DGKB: variants seen among roughly 807,000 people sequenced by gnomAD.
DGKB encodes diacylglycerol kinase beta.
In DGKB, 67 loss-of-function variants were observed where a neutral mutation model predicts 114.3. That is an observed-to-expected ratio of 0.59 (90% confidence interval 0.48 to 0.72). DGKB has a LOEUF of 0.72. DGKB is among the 30% of genes least tolerant of loss of function. The probability of loss-of-function intolerance (pLI) is 0.00; values close to 1 mark genes in which losing one functional copy is unlikely to be tolerated. For synonymous variants in DGKB, 398 were observed against 323.1 expected (o/e 1.23, Z -2.49); for missense variants, 907 against 975.2 (o/e 0.93, Z 0.93).
chr7:14,352,743 TG>T (rs757459224), intron 21 of DGKB, among the ~76,000 whole-genome samples: 27 of 151,996 alleles, frequency 1.8e-4, no homozygotes, highest in Non-Finnish European at 3.5e-4. Context: ...ACCAACATGG[TG>T]AAACCCTGTC....
At chr7:14,157,586 A>C (rs1471144482) in intron 25 of DGKB, among the ~76,000 whole-genome samples, 4 of 152,180 alleles carry the variant, frequency 2.6e-5, no homozygotes, top group Non-Finnish European at 5.9e-5. Flanking sequence ...TTATTCCTGA[A>C]AGTGATGGAC....
At chr7:14,149,271 A>T in intron 25 of DGKB, 33 bp from the exon 26 acceptor site, 1 of 1,491,596 alleles carries the variant, frequency 6.7e-7, no homozygotes, top group South Asian at 1.1e-5. Context: ...AGAGAGAAAG[A>T]ATAGAGTAAT....
intron 21 of DGKB, among the ~76,000 whole-genome samples, chr7:14,349,312 GA>G (rs1282744551): frequency 6.6e-6 from 1 of 152,032 alleles, no homozygotes; most frequent in African/African-American, 2.4e-5. Flanking sequence ...AGCCTAAAAA[GA>G]GATATGGGTT....
intron 6 of DGKB, among the ~76,000 whole-genome samples, chr7:14,705,862 T>A (rs954806715): frequency 1.3e-5 from 2 of 151,904 alleles, no homozygotes; most frequent in African/African-American, 4.8e-5. Context: ...TGCAAAATCA[T>A]GCCAAAATGT....
At chr7:14,583,786 C>T (rs951201790) in intron 17 of DGKB, among the ~76,000 whole-genome samples, 1 of 152,130 alleles carries the variant, frequency 6.6e-6, no homozygotes, top group Non-Finnish European at 1.5e-5. Flanking sequence ...GCTGTTACTG[C>T]ATGCAGGGTG....
intron 23 of DGKB, among the ~76,000 whole-genome samples, chr7:14,220,268 A>T (rs1420187080): frequency 4.6e-5 from 7 of 151,624 alleles, no homozygotes; most frequent in Admixed American, 2.6e-4. Flanking sequence ...GCAGTCCATC[A>T]TTGACTAAAG....
intron 13 of DGKB, among the ~76,000 whole-genome samples, chr7:14,669,044 C>A (rs1486251547): frequency 6.6e-6 from 1 of 152,102 alleles, no homozygotes; most frequent in African/African-American, 2.4e-5. Context: ...ATCACAGTTT[C>A]TTTGAACAAT....
intron 23 of DGKB, among the ~76,000 whole-genome samples, chr7:14,283,874 T>C (rs1036749099): frequency 1.5e-4 from 23 of 152,056 alleles, no homozygotes; most frequent in African/African-American, 5.6e-4. Flanking sequence ...CAAGATGGAT[T>C]AAAGACTTAA....
At chr7:14,208,736 T>C (rs1282630827) in intron 23 of DGKB, among the ~76,000 whole-genome samples, 2 of 152,004 alleles carry the variant, frequency 1.3e-5, no homozygotes, top group Non-Finnish European at 2.9e-5. Flanking sequence ...GCTTTGGTTT[T>C]GAAATATAGA....
At chr7:14,168,366 G>A (rs1784906773) in intron 25 of DGKB, among the ~76,000 whole-genome samples, 2 of 152,188 alleles carry the variant, frequency 1.3e-5, no homozygotes, top group South Asian at 2.1e-4. Context: ...AGAAGGAGAG[G>A]AGAGAGTGTG....
chr7:14,507,270 A>T (rs1413193114), intron 20 of DGKB, among the ~76,000 whole-genome samples: 1 of 152,174 alleles, frequency 6.6e-6, no homozygotes, highest in East Asian at 1.9e-4. Flanking sequence ...GGCAATTCAG[A>T]ATCTAGTATC....
intron 13 of DGKB, among the ~76,000 whole-genome samples, chr7:14,664,310 C>G (rs1367471624): frequency 6.6e-6 from 1 of 151,976 alleles, no homozygotes; most frequent in Middle Eastern, 3.2e-3. Context: ...AATTTTCTTT[C>G]TCTGTTGGTG....
intron 5 of DGKB, among the ~76,000 whole-genome samples, chr7:14,721,256 T>C (rs988538002): frequency 6.6e-6 from 1 of 152,202 alleles, no homozygotes; most frequent in African/African-American, 2.4e-5. Flanking sequence ...CTAAGGTAGA[T>C]GGTGTTTAAT....
At chr7:14,231,977 T>C (rs1791937375) in intron 23 of DGKB, among the ~76,000 whole-genome samples, 2 of 152,046 alleles carry the variant, frequency 1.3e-5, no homozygotes, top group Non-Finnish European at 2.9e-5. Flanking sequence ...GATGTGTTTA[T>C]TGGATTTTCC....
intron 1 of DGKB, among the ~76,000 whole-genome samples, chr7:14,856,546 T>C (rs1850176219): frequency 6.6e-6 from 1 of 152,122 alleles, no homozygotes; most frequent in East Asian, 1.9e-4. Flanking sequence ...TTGTATCAGA[T>C]GGCCTTTTAA....
chr7:14,161,190 T>C (rs1177362378), intron 25 of DGKB, among the ~76,000 whole-genome samples: 2 of 152,120 alleles, frequency 1.3e-5, no homozygotes, highest in South Asian at 2.1e-4. Context: ...TATGGAGAAA[T>C]AGGAACACTT....
intron 21 of DGKB, among the ~76,000 whole-genome samples, chr7:14,392,023 C>G (rs1821399391): frequency 6.6e-6 from 1 of 152,092 alleles, no homozygotes; most frequent in Non-Finnish European, 1.5e-5. Flanking sequence ...AACTATAACT[C>G]TTAGTACATT....
intron 13 of DGKB, among the ~76,000 whole-genome samples, chr7:14,668,029 A>G (rs548338894): frequency 2.0e-5 from 3 of 152,168 alleles, no homozygotes; most frequent in East Asian, 1.9e-4. Context: ...CCAGTTAAAG[A>G]CCCTTGTTTA....
chr7:14,470,771 C>A (rs532708915), intron 21 of DGKB, among the ~76,000 whole-genome samples: 121 of 151,672 alleles, frequency 8.0e-4, no homozygotes, highest in African/African-American at 2.7e-3. Context: ...TGGCTTTTTT[C>A]ATTTGTACAT....
Sources: gnomAD v4.1 joint callset for allele counts (sites outside exome capture counted in the v4.1 genomes callset) on GRCh38, gnomAD v4.1.1 for gene constraint, MANE v1.5 for transcripts, NCBI Gene and HGNC (gene_info 2026-07-23, HGNC 2026-07-21) for gene names.